Variants in AR observed in about 807,000 individuals in gnomAD.
AR encodes androgen receptor, also known as dihydrotestosterone receptor.
AR carries 8 observed loss-of-function variants against 53.9 expected under a neutral mutation model. The ratio of observed to expected loss-of-function variants is 0.15; its 90% confidence interval spans 0.09 to 0.27. The LOEUF (loss-of-function observed/expected upper bound fraction) is 0.27. Among genes scored for constraint, AR ranks in the 10% least tolerant of loss-of-function variants. The probability of loss-of-function intolerance (pLI) is 1.00; values close to 1 mark genes in which losing one functional copy is unlikely to be tolerated. For missense variants in AR, 639 were observed against 742.5 expected, an observed-to-expected ratio of 0.86 and a Z score of 1.62; for synonymous variants, 359 against 316.4, an observed-to-expected ratio of 1.13 and a Z score of -1.43.
At chrX:67,606,127 A>G (rs1923613706) in intron 1 of AR, among the ~76,000 whole-genome samples, 1 of 110,676 alleles carries the variant, frequency 9.0e-6, no homozygotes, top group South Asian at 3.9e-4. Flanking sequence ...GAAAAGAGAG[A>G]TAAGGGAAAG....
chrX:67,600,809 C>T (rs778236961), intron 1 of AR, among the ~76,000 whole-genome samples: 1 of 110,335 alleles, frequency 9.1e-6, no homozygotes, highest in Non-Finnish European at 1.9e-5. Flanking sequence ...TTTTCATATA[C>T]CCCATAAATA....
intron 1 of AR, among the ~76,000 whole-genome samples, chrX:67,616,931 C>T (rs1371796172): frequency 1.8e-5 from 2 of 111,380 alleles, no homozygotes; most frequent in South Asian, 3.8e-4. Context: ...GCCTAAGTCT[C>T]ATCCTCCTAA....
intron 1 of AR, among the ~76,000 whole-genome samples, chrX:67,618,642 T>C (rs140892723): frequency 9.0e-6 from 1 of 111,721 alleles, no homozygotes; most frequent in Non-Finnish European, 1.9e-5. Context: ...ATAGGTGCTT[T>C]GAAAGAAGAC....
At chrX:67,655,010 G>A (rs893686255) in intron 2 of AR, among the ~76,000 whole-genome samples, 2 of 104,963 alleles carry the variant, frequency 1.9e-5, no homozygotes, top group Admixed American at 2.1e-4. Flanking sequence ...ATGAAACTAT[G>A]GCAGTATAGT....
At chrX:67,635,171 C>A (rs1230439695) in intron 1 of AR, among the ~76,000 whole-genome samples, 1 of 111,138 alleles carries the variant, frequency 9.0e-6, no homozygotes, top group Non-Finnish European at 1.9e-5. Context: ...ATTAAGGCAA[C>A]CAAGACTTAC....
intron 2 of AR, among the ~76,000 whole-genome samples, chrX:67,673,828 C>G (rs991385634): frequency 1.8e-5 from 2 of 110,789 alleles, no homozygotes; most frequent in African/African-American, 6.6e-5. Context: ...TCATGTTTTC[C>G]TGGATGGTGT....
rs1037810169 is a variant in AR at position 67,724,893 on chromosome X, G to A, written c.*1052G>A. ...TTTAACCCTTTGTAAGGCCCCATTT[G>A]GATCCAGGTCTGCTTTCTCATGTGT... On this transcript the variant is annotated 3_prime_UTR_variant, in exon 8 of 8. Coordinates refer to ENST00000374690, the MANE Select transcript of AR (RefSeq NM_000044.6). The A allele has an allele frequency of 3.5e-4, 61 of 172,763 alleles. No individual in the cohort carries two copies. In the East Asian group the frequency reaches 4.9e-3, roughly 14 times the overall value. 14.2% of individuals were successfully genotyped at this position (172,763 alleles called of 1,213,427 possible). A position where few individuals can be genotyped will look rare whatever the true frequency, so the allele number is the denominator to read the frequency against.
intron 1 of AR, among the ~76,000 whole-genome samples, chrX:67,571,955 T>A (rs759789227): frequency 1.1e-4 from 12 of 111,362 alleles, no homozygotes; most frequent in Non-Finnish European, 2.1e-4. Flanking sequence ...AGTCAGAAGA[T>A]AAACATTTGT....
At chrX:67,615,983 A>T (rs1421309825) in intron 1 of AR, among the ~76,000 whole-genome samples, 1 of 111,407 alleles carries the variant, frequency 9.0e-6, no homozygotes, top group East Asian at 2.8e-4. Context: ...CAAATTATCT[A>T]CAACAATTAT....
chrX:67,699,221 C>A (rs1376775397), intron 3 of AR, among the ~76,000 whole-genome samples: 1 of 112,530 alleles, frequency 8.9e-6, no homozygotes, highest in African/African-American at 3.2e-5. Context: ...TGGCTAGATT[C>A]TCAGTTCAGG....
chrX:67,579,969 A>C (rs1251197259), intron 1 of AR, among the ~76,000 whole-genome samples: 6 of 110,076 alleles, frequency 5.5e-5, no homozygotes, highest in Non-Finnish European at 1.1e-4. Flanking sequence ...TTAGTCTGCT[A>C]CTCTTTCTCC....
At chrX:67,650,807 T>C (rs1231919717) in intron 2 of AR, among the ~76,000 whole-genome samples, 1 of 111,623 alleles carries the variant, frequency 9.0e-6, no homozygotes, top group Non-Finnish European at 1.9e-5. Context: ...GTCCCTTTGC[T>C]CCCAGGCTGT....
At chrX:67,715,448 A>T (rs748604391) in intron 4 of AR, among the ~76,000 whole-genome samples, 1 of 111,043 alleles carries the variant, frequency 9.0e-6, no homozygotes, top group South Asian at 3.8e-4. Flanking sequence ...AAGGCCTAGG[A>T]TCTAAAAGAA....
chrX:67,565,284 C>T (rs758363684), intron 1 of AR, among the ~76,000 whole-genome samples: 1 of 112,189 alleles, frequency 8.9e-6, no homozygotes, highest in South Asian at 3.7e-4. Flanking sequence ...TTCAGGCAGC[C>T]ATGCCCCGGA....
chrX:67,685,589 A>G (rs962894975), intron 2 of AR, among the ~76,000 whole-genome samples: 5 of 111,911 alleles, frequency 4.5e-5, no homozygotes, highest in Non-Finnish European at 9.4e-5. Flanking sequence ...GTGTAATTCT[A>G]TGCATGATTA....
intron 2 of AR, among the ~76,000 whole-genome samples, chrX:67,668,379 AT>A (rs1709038877): frequency 2.7e-5 from 3 of 111,979 alleles, no homozygotes; most frequent in Admixed American, 1.9e-4. Flanking sequence ...TGACTTGTGT[AT>A]TTAGAACCAT....
At chrX:67,702,960 C>T (rs1414881417) in intron 3 of AR, among the ~76,000 whole-genome samples, 1 of 111,249 alleles carries the variant, frequency 9.0e-6, no homozygotes, top group East Asian at 2.8e-4. Context: ...CAACTCTGGT[C>T]CCAGCTACTT....
At chrX:67,607,981 A>G (rs757915196) in intron 1 of AR, among the ~76,000 whole-genome samples, 6 of 111,661 alleles carry the variant, frequency 5.4e-5, no homozygotes, top group Non-Finnish European at 1.1e-4. Flanking sequence ...GGGCCCCCAG[A>G]TCTAACATGA....
chrX:67,669,720 G>C (rs1927449141), intron 2 of AR, among the ~76,000 whole-genome samples: 1 of 110,545 alleles, frequency 9.0e-6, no homozygotes, highest in Non-Finnish European at 1.9e-5. Flanking sequence ...ATACCTGGGT[G>C]CTCCAGTGTT....
Sources: gnomAD v4.1 joint callset for allele counts (sites outside exome capture counted in the v4.1 genomes callset) on GRCh38, gnomAD v4.1.1 for gene constraint, MANE v1.5 for transcripts, NCBI Gene and HGNC (gene_info 2026-07-23, HGNC 2026-07-21) for gene names.